SBK1: variants seen among roughly 807,000 people sequenced by gnomAD.
SBK1 encodes the protein SH3 domain binding kinase 1.
Under a neutral mutation model 24.4 loss-of-function variants are expected in SBK1, and 11 were observed. The ratio of observed to expected loss-of-function variants is 0.45; its 90% CI spans 0.28 to 0.75. The LOEUF (loss-of-function observed/expected upper bound fraction) is 0.75. SBK1 is among the 30% of genes least tolerant of loss of function. SBK1 has a pLI of 0.12. For missense variants in SBK1, 467 were observed against 620.5 expected, an observed-to-expected ratio of 0.75 and a Z score of 2.63; for synonymous variants, 308 against 284.4, an observed-to-expected ratio of 1.08 and a Z score of -0.83.
Position 28,320,926 on chromosome 16 carries a change from C to T in SBK1, c.*5C>T. 6.9e-7 allele frequency: 1 copy of T among 1,439,938 alleles called. No individual in the cohort carries two copies. Among genetic ancestry groups the T allele is most frequent in the Non-Finnish European group, 9.1e-7 (1 of 1,098,992 alleles). The allele number at this position is 1,439,938 out of a possible 1,614,324, so 89.2% of individuals were successfully genotyped here. On this transcript the variant is annotated 3_prime_UTR_variant, in exon 4 of 4. Transcript: ENST00000341901. The surrounding 1 kb of genome is among the most constrained non-coding windows in gnomAD (Gnocchi z 8.5). Reference sequence around the variant, plus strand: ...GCCATCGAGATCTGCGTCTGAGTCGCCTCCGCCGCCCTCGGACCCGGGAGC... The same window carrying T: ...GCCATCGAGATCTGCGTCTGAGTCGTCTCCGCCGCCCTCGGACCCGGGAGC...
chr16:28,258,768 C>T (rs936079728), upstream of SBK1: 8 of 152,614 alleles, frequency 5.2e-5, no homozygotes, highest in African/African-American at 1.9e-4. Flanking sequence ...GGGGTCAGAA[C>T]TTTTCTCGAG....
intron 1 of SBK1, among the ~76,000 whole-genome samples, chr16:28,280,149 A>ATATATATATGTGTGTGTG (rs1230385223): frequency 2.5e-5 from 1 of 39,416 alleles, no homozygotes; most frequent in Non-Finnish European, 5.4e-5. Flanking sequence ...ATATATATAT[A>ATATATATATGTGTGTGTG]TGTGTGTGTG....
chr16:28,271,455 G>C (rs979470982), intron 1 of SBK1, among the ~76,000 whole-genome samples: 2 of 152,226 alleles, frequency 1.3e-5, no homozygotes, highest in Non-Finnish European at 2.9e-5. Context: ...TACTTGGGAG[G>C]CTGAGACAGG....
upstream of SBK1, chr16:28,292,037 G>T (rs2044602278): frequency 6.6e-6 from 1 of 152,122 alleles, no homozygotes; most frequent in African/African-American, 2.4e-5. Flanking sequence ...GCAGGCGGAC[G>T]CATGGATGAA....
rs1045596953 is a variant in SBK1 at position 28,317,004 on chromosome 16, A to AC, written c.-7-375dup. The stretch of plus-strand genomic sequence containing the variant: ...AGACCAGCCTGGGCCACATAGTGGG[A>AC]CCCCCCTCTCTACAATCCAAATAAA... On this transcript the variant is annotated intron_variant, in intron 1 of 3. Coordinates refer to ENST00000341901, the MANE Select transcript of SBK1 (RefSeq NM_001024401.3). The surrounding 1 kb of genome is among the most constrained non-coding windows in gnomAD (Gnocchi z 4.2). 5.3e-5 allele frequency among the ~76,000 whole-genome samples: 8 copies of AC among 152,260 alleles called. No homozygotes were observed. The East Asian group carries it at 9.6e-4, about 18-fold the overall frequency.
Position 28,317,660 on chromosome 16 carries a change from G to A in SBK1, c.226+43G>A. ...GGCAGGGCTGAGAGGTTGGGGTGGG[G>A]CAGGGCTGGGAGGTCAGGGTTGGGG... On this transcript the variant is annotated intron_variant, in intron 2 of 3. Coordinates refer to ENST00000341901, the MANE Select transcript of SBK1 (RefSeq NM_001024401.3). This position sits in a 1 kb window ranked among gnomAD's most constrained non-coding sequence, Gnocchi z 4.2. The A allele has an allele frequency of 7.6e-7, 1 of 1,311,400 alleles. No homozygotes were observed. Among genetic ancestry groups the A allele is most frequent in the Non-Finnish European group, 1.1e-6 (1 of 906,572 alleles). The allele number at this position is 1,311,400 out of a possible 1,614,324, so 81.2% of individuals were successfully genotyped here. A position where few individuals can be genotyped will look rare whatever the true frequency, so the allele number is the denominator to read the frequency against.
In SBK1 at chr16:28,259,546, C is replaced by G. The variant is rs2044384065; in HGVS notation, c.257+44C>G. 1.5e-6 allele frequency: 1 copy of G among 665,084 alleles called. No homozygotes were observed. The highest frequency in any genetic ancestry group is 1.9e-6 in the Non-Finnish European group (1 of 537,428). 41.2% of individuals were successfully genotyped at this position (665,084 alleles called of 1,614,324 possible). A position where few individuals can be genotyped will look rare whatever the true frequency, so the allele number is the denominator to read the frequency against. ...CCAGTGGGTGGGCAGCAGGTGGGCACAGCGCTCGACCCAGGGTGCCTGTGG... is the reference window on the plus strand; with the variant it reads ...CCAGTGGGTGGGCAGCAGGTGGGCAGAGCGCTCGACCCAGGGTGCCTGTGG... On this transcript the variant is annotated intron_variant, in intron 1 of 3. Transcript: ENST00000671413. This position sits in a 1 kb window ranked among gnomAD's most constrained non-coding sequence, Gnocchi z 6.0.
At chr16:28,280,147 A>ATGTGTGTGTGTG (rs1258164420) in intron 1 of SBK1, among the ~76,000 whole-genome samples, 5 of 48,364 alleles carry the variant, frequency 1.0e-4, no homozygotes, top group Non-Finnish European at 2.5e-4. Context: ...ATATATATAT[A>ATGTGTGTGTGTG]TATGTGTGTG....
rs140773263 is a variant in SBK1, at chr16:28,317,551, G to A, written c.160G>A (p.Glu54Lys). The A allele has an allele frequency of 4.3e-6, 7 of 1,614,212 alleles. No homozygotes were observed. The highest frequency in any genetic ancestry group is 2.7e-5 in the African/African-American group (2 of 75,058). ...LAASDVTKHYELVRELGKGTY... is the reference protein window; with the variant it reads ...LAASDVTKHYKLVRELGKGTY... ...CGCCAGCGACGTCACCAAGCACTAC[G>A]AACTAGTCCGGGAGCTGGGCAAAGG... Residue 54 changes from glutamate to lysine, a missense_variant, in exon 2 of 4, where the codon GAA becomes AAA. Physicochemically the swap from Glu to Lys is moderately conservative, Grantham distance 56. Around this residue, in one of 4 missense-constraint regions of SBK1, gnomAD observed 123 missense variants for 158.2 expected, o/e 0.78. Coordinates refer to ENST00000341901, the MANE Select transcript of SBK1 (RefSeq NM_001024401.3). The surrounding 1 kb of genome is among the most constrained non-coding windows in gnomAD (Gnocchi z 4.2).
At chr16:28,266,192 C>A (rs113910900) in intron 1 of SBK1, among the ~76,000 whole-genome samples, 30 of 152,072 alleles carry the variant, frequency 2.0e-4, no homozygotes, top group Non-Finnish European at 1.5e-4. Context: ...GGGCAAGACC[C>A]TGTCTCTACA....
chr16:28,295,557 A>G lies in SBK1; in HGVS notation c.-8+2257A>G, dbSNP rs190072455. ...TCTAGACTCAGCTCCAGGAGACGGG[A>G]ACCAGGTTTGTCTTGTCCATACTGC... On this transcript the variant is annotated intron_variant, in intron 1 of 3. Transcript: ENST00000341901. Among the ~76,000 whole-genome samples, 15 of 152,226 alleles carry G rather than the reference A, an allele frequency of 9.9e-5. No individual in the cohort carries two copies. In the East Asian group the frequency reaches 2.9e-3, roughly 29 times the overall value.
At chr16:28,278,168 G>C (rs2141565690) in intron 1 of SBK1, among the ~76,000 whole-genome samples, 1 of 152,356 alleles carries the variant, frequency 6.6e-6, no homozygotes, top group South Asian at 2.1e-4. Flanking sequence ...CATGGCCTCC[G>C]TCTCTCTCCG....
chr16:28,272,262 GT>G (rs1393012697), intron 1 of SBK1, among the ~76,000 whole-genome samples: 4 of 152,132 alleles, frequency 2.6e-5, no homozygotes, highest in Non-Finnish European at 5.9e-5. Context: ...TAGGGACAGA[GT>G]TTCGCTATGT....
chr16:28,292,871 C>G lies in SBK1; in HGVS notation c.-437C>G. ...GACTTCCTCGGTATTTAGAAGACAG[C>G]AAGCCCCCTACGGCACCGCAAGGAC... On this transcript the variant is annotated 5_prime_UTR_variant, in exon 1 of 4. Coordinates refer to ENST00000341901, the MANE Select transcript of SBK1 (RefSeq NM_001024401.3). 1.0e-6 allele frequency: 1 copy of G among 982,796 alleles called. No homozygotes were observed. Among genetic ancestry groups the G allele is most frequent in the Non-Finnish European group, 1.2e-6 (1 of 827,524 alleles). 60.9% of individuals were successfully genotyped at this position (982,796 alleles called of 1,614,324 possible). A position where few individuals can be genotyped will look rare whatever the true frequency, so the allele number is the denominator to read the frequency against.
intron 1 of SBK1, among the ~76,000 whole-genome samples, chr16:28,273,530 T>G (rs1289094718): frequency 1.3e-5 from 2 of 151,820 alleles, no homozygotes; most frequent in African/African-American, 4.8e-5. Flanking sequence ...GGCCATAGGT[T>G]GTCTTTTCAC....
chr16:28,320,919 T>C lies in SBK1; in HGVS notation c.1273T>C (p.Ter425ArgextTer38). The change falls in exon 4 of 4, where the codon TGA (stop) becomes CGA (arginine). Residue 425 changes from the stop codon to arginine, a stop_lost. Coordinates refer to ENST00000341901, the MANE Select transcript of SBK1 (RefSeq NM_001024401.3). The surrounding 1 kb of genome is among the most constrained non-coding windows in gnomAD (Gnocchi z 8.5). ...GGCCACGGCCATCGAGATCTGCGTC[T>C]GAGTCGCCTCCGCCGCCCTCGGACC... ...VLATAIEICV[*>R] The C allele has an allele frequency of 6.8e-7, 1 of 1,469,184 alleles. No homozygotes were observed. The highest frequency in any genetic ancestry group is 2.2e-5 in the Admixed American group (1 of 45,052). 91.0% of individuals were successfully genotyped at this position (1,469,184 alleles called of 1,614,324 possible). A position where few individuals can be genotyped will look rare whatever the true frequency, so the allele number is the denominator to read the frequency against.
intron 1 of SBK1, among the ~76,000 whole-genome samples, chr16:28,293,596 C>T (rs557686649): frequency 1.3e-5 from 2 of 152,088 alleles, no homozygotes; most frequent in African/African-American, 4.8e-5. Context: ...AGAGTCCCCC[C>T]CCAAAAGCTG....
chr16:28,313,421 A>G (rs969164888), intron 1 of SBK1, among the ~76,000 whole-genome samples: 7 of 151,612 alleles, frequency 4.6e-5, no homozygotes, highest in Non-Finnish European at 1.0e-4. Flanking sequence ...ACATGGTGAA[A>G]CCCCATCTCT....
intron 1 of SBK1, among the ~76,000 whole-genome samples, chr16:28,316,268 C>T (rs761754237): frequency 6.6e-6 from 1 of 152,132 alleles, no homozygotes; most frequent in Non-Finnish European, 1.5e-5. Context: ...GCAATCATGG[C>T]CCTCAGACCT....
Sources: allele counts gnomAD v4.1 joint callset (sites outside exome capture counted in the v4.1 genomes callset), GRCh38; gene constraint gnomAD v4.1.1; regional missense constraint gnomAD v4.1.1; non-coding constraint Gnocchi (gnomAD v3.1); transcripts MANE v1.5; gene names NCBI Gene and HGNC (gene_info 2026-07-23, HGNC 2026-07-21).